CACNA2D1: variants seen among roughly 807,000 people sequenced by gnomAD.
The protein encoded by CACNA2D1 is calcium voltage-gated channel auxiliary subunit alpha2delta 1.
Under a neutral mutation model 171.5 loss-of-function variants are expected in CACNA2D1, and 53 were observed. The observed-to-expected ratio is 0.31, with a 90% confidence interval of 0.25 to 0.39. The LOEUF is 0.39. Ranked by LOEUF, CACNA2D1 falls within the 10% of genes least tolerant of loss-of-function variation. CACNA2D1 has a pLI of 1.00. For missense variants in CACNA2D1, 903 were observed against 1,299.8 expected (o/e 0.69, Z 4.69); for synonymous variants, 442 against 443.1 (o/e 1.00, Z 0.03).
intron 3 of CACNA2D1, among the ~76,000 whole-genome samples, chr7:82,314,251 G>GA (rs1396025615): frequency 1.3e-5 from 2 of 152,118 alleles, no homozygotes; most frequent in East Asian, 3.9e-4. Context: ...AAAATTGAAG[G>GA]AAAAAATGAA....
At chr7:82,227,677 T>A (rs1454185040) in intron 3 of CACNA2D1, among the ~76,000 whole-genome samples, 1 of 152,214 alleles carries the variant, frequency 6.6e-6, no homozygotes, top group African/African-American at 2.4e-5. Flanking sequence ...GCTCTGCTAC[T>A]TATTCCAGGT....
intron 1 of CACNA2D1, among the ~76,000 whole-genome samples, chr7:82,435,060 G>T (rs1204276193): frequency 7.5e-6 from 1 of 133,812 alleles, no homozygotes; most frequent in Non-Finnish European, 1.6e-5. Flanking sequence ...TTTTGAGACG[G>T]AGTCTCACTC....
chr7:82,356,408 T>G (rs1820428310), intron 1 of CACNA2D1, among the ~76,000 whole-genome samples: 1 of 152,132 alleles, frequency 6.6e-6, no homozygotes, highest in Admixed American at 6.6e-5. Flanking sequence ...TAAATCACAC[T>G]AATATTCTAA....
intron 1 of CACNA2D1, among the ~76,000 whole-genome samples, chr7:82,407,885 C>T (rs1485293571): frequency 6.6e-6 from 1 of 152,020 alleles, no homozygotes; most frequent in East Asian, 1.9e-4. Context: ...AGATATAGCC[C>T]ATCTATCCCT....
intron 3 of CACNA2D1, among the ~76,000 whole-genome samples, chr7:82,237,040 A>G (rs557005742): frequency 9.2e-5 from 14 of 152,014 alleles, no homozygotes; most frequent in Non-Finnish European, 1.6e-4. Context: ...CACTTAAATC[A>G]TAAACCAGCA....
At chr7:81,954,082 A>C (rs1792922804) in intron 38 of CACNA2D1, among the ~76,000 whole-genome samples, 1 of 152,200 alleles carries the variant, frequency 6.6e-6, no homozygotes, top group Middle Eastern at 3.4e-3. Context: ...AATGTATTTC[A>C]TAGAATCATT....
intron 1 of CACNA2D1, among the ~76,000 whole-genome samples, chr7:82,354,668 T>A (rs950063357): frequency 2.6e-5 from 4 of 152,158 alleles, no homozygotes; most frequent in African/African-American, 9.7e-5. Flanking sequence ...TTAAAAAGAA[T>A]AGCTGGAAAG....
chr7:82,354,838 A>T lies in CACNA2D1; in HGVS notation c.96-5189T>A, dbSNP rs1820242885. Among the ~76,000 whole-genome samples the T allele has an allele frequency of 8.5e-5, 13 of 152,266 alleles. No homozygotes were observed. In the South Asian group the frequency reaches 2.7e-3, roughly 32 times the overall value. Reference sequence around the variant, plus strand: ...GGCAGATACCAGCAGGTGAAAAAGAAAAACAAGGAAAGGCAAGTTGAAAGT... The same window carrying T: ...GGCAGATACCAGCAGGTGAAAAAGATAAACAAGGAAAGGCAAGTTGAAAGT... On this transcript the variant is annotated intron_variant, in intron 1 of 38. Transcript: ENST00000356860.
In CACNA2D1 at chr7:82,443,622, A is replaced by G. The variant is rs906914026; in HGVS notation, c.-163T>C. The G allele has an allele frequency of 1.5e-6, 2 of 1,351,702 alleles. No individual in the cohort carries two copies. Among genetic ancestry groups the G allele is most frequent in the African/African-American group, 3.1e-5 (2 of 64,714 alleles). 83.7% of individuals were successfully genotyped at this position (1,351,702 alleles called of 1,614,324 possible). A position where few individuals can be genotyped will look rare whatever the true frequency, so the allele number is the denominator to read the frequency against. ...GGCGCGGAGCCGCGCGGGGGACGGC[A>G]AGGGCGGGAGCGGACGCCGAGGAAG... is the stretch of plus-strand genomic sequence containing the variant. On this transcript the variant is annotated 5_prime_UTR_variant, in exon 1 of 39. Transcript: ENST00000356860.
intron 3 of CACNA2D1, among the ~76,000 whole-genome samples, chr7:82,248,890 G>A (rs548646618): frequency 5.3e-5 from 8 of 152,202 alleles, no homozygotes; most frequent in African/African-American, 1.7e-4. Context: ...GGCCGAGGCG[G>A]GCGGATCATG....
chr7:82,408,517 T>C (rs1484009801), intron 1 of CACNA2D1, among the ~76,000 whole-genome samples: 1 of 152,128 alleles, frequency 6.6e-6, no homozygotes, highest in Non-Finnish European at 1.5e-5. Flanking sequence ...TAAATAAAGG[T>C]AATTAATACC....
chr7:82,054,294 G>A lies in CACNA2D1; in HGVS notation c.879+6134C>T, dbSNP rs1279957657. 2.0e-5 allele frequency among the ~76,000 whole-genome samples: 3 copies of A among 152,146 alleles called. No individual in the cohort carries two copies. In the East Asian group the frequency reaches 5.8e-4, roughly 29 times the overall value. Reference sequence around the variant, plus strand: ...ATGCCCTATCCATTTTTCCATTCATGTCAACCCAACTTTTAACTGCCTGAG... The same window carrying A: ...ATGCCCTATCCATTTTTCCATTCATATCAACCCAACTTTTAACTGCCTGAG... On this transcript the variant is annotated intron_variant, in intron 10 of 38. Transcript: ENST00000356860.
chr7:81,959,122 GA>G (rs922089100), intron 38 of CACNA2D1, among the ~76,000 whole-genome samples, 152 bp downstream of exon 38: 1 of 151,870 alleles, frequency 6.6e-6, no homozygotes, highest in Non-Finnish European at 1.5e-5. Flanking sequence ...CTACTGAAAT[GA>G]AAAAAATCTA....
At chr7:82,005,038 G>A (rs1798983699) in intron 18 of CACNA2D1, among the ~76,000 whole-genome samples, 2 of 152,048 alleles carry the variant, frequency 1.3e-5, no homozygotes, top group African/African-American at 4.8e-5. Flanking sequence ...AGAAGAGAAG[G>A]GCAATAGAAA....
In CACNA2D1 at chr7:82,032,841, CT is replaced by C; in HGVS notation, c.1098del (p.Glu367ArgfsTer53). On this transcript the variant is annotated frameshift_variant, in exon 12 of 39. Transcript: ENST00000356860. LOFTEE classifies it high-confidence loss of function. ...KIIMLFTDGG[E>X]ERAQEIFNKY... ...TTGTTAAATATCTCCTGGGCTCTCTCTTCTCCTCCATCCGTGAATAGCATAA... is the reference window on the plus strand; with the variant it reads ...TTGTTAAATATCTCCTGGGCTCTCTCTCTCCTCCATCCGTGAATAGCATAA... The C allele has an allele frequency of 6.2e-7, 1 of 1,601,058 alleles. No homozygotes were observed. Among genetic ancestry groups the C allele is most frequent in the African/African-American group, 1.3e-5 (1 of 74,732 alleles).
At chr7:82,341,339 T>A (rs568367525) in intron 2 of CACNA2D1, among the ~76,000 whole-genome samples, 5 of 152,162 alleles carry the variant, frequency 3.3e-5, no homozygotes, top group Non-Finnish European at 5.9e-5. Flanking sequence ...ATGTGAAGAT[T>A]CCTTCACCTA....
At chr7:82,386,641 G>A (rs943093584) in intron 1 of CACNA2D1, among the ~76,000 whole-genome samples, 6 of 152,024 alleles carry the variant, frequency 3.9e-5, no homozygotes, top group African/African-American at 1.4e-4. Flanking sequence ...GCTGAGGCAG[G>A]AGAATCACTT....
intron 3 of CACNA2D1, among the ~76,000 whole-genome samples, chr7:82,217,201 T>C (rs1448573362): frequency 6.6e-6 from 1 of 151,744 alleles, no homozygotes; most frequent in Non-Finnish European, 1.5e-5. Flanking sequence ...TAAAACAATA[T>C]ACTTTGAATT....
chr7:82,120,950 G>C (rs977806573), intron 5 of CACNA2D1, among the ~76,000 whole-genome samples: 31 of 151,260 alleles, frequency 2.0e-4, no homozygotes, highest in African/African-American at 7.3e-4. Context: ...ACATTACTCT[G>C]TTATGGCTAG....
Sources: gnomAD v4.1 joint callset for allele counts (sites outside exome capture counted in the v4.1 genomes callset) on GRCh38, gnomAD v4.1.1 for gene constraint, MANE v1.5 for transcripts, NCBI Gene and HGNC (gene_info 2026-07-23, HGNC 2026-07-21) for gene names.